The following TWF2 variants were observed in gnomAD, a reference collection of about 807,000 sequenced individuals.
TWF2 encodes the protein twinfilin-2.
In TWF2, 15 loss-of-function variants were observed where a neutral mutation model predicts 45.1. That is an observed-to-expected ratio of 0.33 (90% CI 0.22 to 0.51). TWF2 has a LOEUF of 0.51. Ranked by LOEUF, TWF2 falls within the 20% of genes least tolerant of loss-of-function variation. TWF2 has a pLI of 0.97. For missense variants in TWF2, 423 were observed against 469.1 expected (o/e 0.90, Z 0.91); for synonymous variants, 177 against 195.8 (o/e 0.90, Z 0.80).
intron 6 of TWF2, 141 bp from the exon 7 acceptor site, chr3:52,230,211 C>A (rs1470337156): frequency 1.7e-6 from 2 of 1,185,792 alleles, no homozygotes; most frequent in African/African-American, 3.1e-5. Context: ...CCTGCAATGG[C>A]CATCCCTCTA....
At chr3:52,234,955 T>G in intron 2 of TWF2, 74 bp downstream of exon 2, 2 of 1,553,276 alleles carry the variant, frequency 1.3e-6, no homozygotes, top group South Asian at 1.1e-5. Context: ...GGGGCCAACA[T>G]CCTCCTTCCC....
At chr3:52,236,289 G>A (rs552431404) in intron 1 of TWF2, among the ~76,000 whole-genome samples, 22 of 143,706 alleles carry the variant, frequency 1.5e-4, no homozygotes, top group African/African-American at 4.8e-4. Context: ...CAACAAGAGT[G>A]AAACTCCGCC....
At position 52,228,921 on chromosome 3, in the gene TWF2, G is replaced by T; in HGVS notation, c.*113C>A. On this transcript the variant is annotated 3_prime_UTR_variant, in exon 9 of 9. Coordinates refer to ENST00000305533, the MANE Select transcript of TWF2 (RefSeq NM_007284.4). ...ACGCTGCAAGTGCGTTCAGCTGCCA[G>T]CCCTCCTGACCTCCCAGAAACACTT... 6.8e-7 allele frequency: 1 copy of T among 1,474,676 alleles called. No homozygotes were observed. The allele number at this position is 1,474,676 out of a possible 1,614,324, so 91.3% of individuals were successfully genotyped here. A position where few individuals can be genotyped will look rare whatever the true frequency, so the allele number is the denominator to read the frequency against.
intron 1 of TWF2, among the ~76,000 whole-genome samples, chr3:52,235,442 C>T (rs1305943876): frequency 2.0e-5 from 3 of 152,152 alleles, no homozygotes; most frequent in Admixed American, 6.5e-5. Flanking sequence ...GCAGGATGGC[C>T]GAGCTCTGGG....
rs558075077 is a variant in TWF2, at chr3:52,233,306, C to T, written c.104-1184G>A. Reference sequence around the variant, plus strand: ...CAACAGACCAGGCCCTCTGAGGCCTCGGCCTCCTCACCTGCCCACCCAGAA... The same window carrying T: ...CAACAGACCAGGCCCTCTGAGGCCTTGGCCTCCTCACCTGCCCACCCAGAA... On this transcript the variant is annotated intron_variant, in intron 2 of 8. Transcript: ENST00000305533. 9.2e-5 allele frequency among the ~76,000 whole-genome samples: 14 copies of T among 152,392 alleles called. No homozygotes were observed. In the East Asian group the frequency reaches 2.3e-3, roughly 25 times the overall value.
At chr3:52,229,311 G>C in intron 8 of TWF2, 110 bp from the exon 9 acceptor site, 1 of 1,394,416 alleles carries the variant, frequency 7.2e-7, no homozygotes, top group Non-Finnish European at 9.5e-7. Context: ...TAGCCCTGGG[G>C]TCTCCTGAGG....
Position 52,229,096 on chromosome 3 carries a change from CT to C in TWF2, c.987del (p.Gly331AlafsTer116). On this transcript the variant is annotated frameshift_variant, in exon 9 of 9. Coordinates refer to ENST00000305533, the MANE Select transcript of TWF2 (RefSeq NM_007284.4). LOFTEE classifies it high-confidence loss of function. ...AGGCGCTTATGGCCCCGCTTGCCCC[CT>C]GGGCCCTTGGGCTTGGCGAAGGCCT... Reference protein sequence around the residue: ...FKQAFAKPKGPGGKRGHKRLI... With the variant: ...FKQAFAKPKGXGGKRGHKRLI... 1.9e-6 allele frequency: 3 copies of C among 1,613,418 alleles called. No individual in the cohort carries two copies. The highest frequency in any genetic ancestry group is 2.5e-6 in the Non-Finnish European group (3 of 1,180,048).
chr3:52,230,962 G>A lies in TWF2; in HGVS notation c.517C>T (p.Gln173Ter). The change falls in exon 6 of 9, where the codon CAG (glutamine) becomes TAG (stop). Residue 173 changes from glutamine to a stop codon, truncating the protein, a stop_gained. Transcript: ENST00000305533. LOFTEE classifies it high-confidence loss of function. ...KTEISVESKH[Q>*]TLQGLAFPLQ... is the part of the protein sequence containing the mutation. Reference sequence around the variant, plus strand: ...GGGAAGGCGAGGCCCTGCAGGGTCTGGTGCTTGCTTTCCACACTGATCTCT... The same window carrying A: ...GGGAAGGCGAGGCCCTGCAGGGTCTAGTGCTTGCTTTCCACACTGATCTCT... The A allele has an allele frequency of 1.2e-6, 2 of 1,603,886 alleles. No homozygotes were observed. The highest frequency in any genetic ancestry group is 1.7e-6 in the Non-Finnish European group (2 of 1,175,386).
At chr3:52,235,453 C>T (rs553485071) in intron 1 of TWF2, among the ~76,000 whole-genome samples, 1 of 152,206 alleles carries the variant, frequency 6.6e-6, no homozygotes, top group African/African-American at 2.4e-5. Flanking sequence ...GAGCTCTGGG[C>T]TGGCCTGGAC....
In TWF2 at chr3:52,238,962, GC is replaced by G. The variant is rs751660176; in HGVS notation, c.25+29del. 8 of 1,587,470 alleles carry G rather than the reference GC, an allele frequency of 5.0e-6. No individual in the cohort carries two copies. The Admixed American group carries it at 1.2e-4, about 23-fold the overall frequency. Reference sequence around the variant, plus strand: ...GGCGCTTCCGAGAGCCCAGACCGAGGCCCCCTGCCCGCCCGCCATCCGCCCT... The same window carrying G: ...GGCGCTTCCGAGAGCCCAGACCGAGGCCCCTGCCCGCCCGCCATCCGCCCT... On this transcript the variant is annotated intron_variant, in intron 1 of 8. Coordinates refer to ENST00000305533, the MANE Select transcript of TWF2 (RefSeq NM_007284.4).
chr3:52,235,812 A>C (rs1484679149), intron 1 of TWF2, among the ~76,000 whole-genome samples: 1 of 152,218 alleles, frequency 6.6e-6, no homozygotes, highest in African/African-American at 2.4e-5. Flanking sequence ...ACACAGAAGC[A>C]CATGGACACG....
In TWF2 at chr3:52,232,140, A is replaced by G; in HGVS notation, c.104-18T>C. ...GAGCTGCTCTGGGGGCAGAGGCCGG[A>G]TGAGCAGCCGCTCCCAGCTCCCACT... On this transcript the variant is annotated intron_variant, in intron 2 of 8. Transcript: ENST00000305533. 1.3e-6 allele frequency: 2 copies of G among 1,522,984 alleles called. No individual in the cohort carries two copies. Among genetic ancestry groups the G allele is most frequent in the Non-Finnish European group, 1.8e-6 (2 of 1,132,794 alleles). The allele number at this position is 1,522,984 out of a possible 1,614,324, so 94.3% of individuals were successfully genotyped here. A position where few individuals can be genotyped will look rare whatever the true frequency, so the allele number is the denominator to read the frequency against.
Position 52,232,094 on chromosome 3 carries a change from C to G in TWF2, c.132G>C (p.Glu44Asp), listed in dbSNP as rs1381758509. 4 of 1,608,678 alleles carry G rather than the reference C, an allele frequency of 2.5e-6. No homozygotes were observed. The highest frequency in any genetic ancestry group is 2.5e-6 in the Non-Finnish European group (3 of 1,177,632). ...AGTCCTGATCCCAGCGGCCTACTGG[C>G]TCCTGCGAGGCACCCAGCACGAGCT... ...DEQLVLGASQ[E>D]PVGRWDQDYD... Residue 44 changes from glutamate to aspartate, a missense_variant, in exon 3 of 9, where the codon GAG (glutamate) becomes GAC (aspartate). Glu to Asp is a conservative substitution (Grantham distance 45, BLOSUM62 2). Coordinates refer to ENST00000305533, the MANE Select transcript of TWF2 (RefSeq NM_007284.4).
intron 2 of TWF2, among the ~76,000 whole-genome samples, chr3:52,233,889 G>T: frequency 6.8e-6 from 1 of 148,066 alleles, no homozygotes; most frequent in East Asian, 2.0e-4. Context: ...ACTCCAGCCT[G>T]GGTGACAGAG....
intron 1 of TWF2, among the ~76,000 whole-genome samples, chr3:52,236,250 G>C (rs1338784747): frequency 6.7e-6 from 1 of 150,002 alleles, no homozygotes; most frequent in Non-Finnish European, 1.5e-5. Context: ...ACAGTGAGCT[G>C]AGATCACACC....
Position 52,231,601 on chromosome 3 carries a change from C to G in TWF2, c.283-62G>C, listed in dbSNP as rs2107302039. 2.0e-6 allele frequency: 3 copies of G among 1,536,294 alleles called. No homozygotes were observed. In the South Asian group the frequency reaches 3.6e-5, roughly 18 times the overall value. On this transcript the variant is annotated intron_variant, in intron 3 of 8. Coordinates refer to ENST00000305533, the MANE Select transcript of TWF2 (RefSeq NM_007284.4). ...GCAGGGCTGCCTCTCCCGGAACAGA[C>G]AGGTGCCTCTGGAGGAACTCGGTGG...
intron 8 of TWF2, 25 bp downstream of exon 8, chr3:52,229,636 G>T: frequency 6.2e-7 from 1 of 1,612,096 alleles, no homozygotes; most frequent in Non-Finnish European, 8.5e-7. Flanking sequence ...GCCTGGGGAG[G>T]TGAGGCCCTG....
intron 4 of TWF2, 85 bp from the exon 5 acceptor site, chr3:52,231,316 G>T (rs1699675592): frequency 1.9e-6 from 3 of 1,576,614 alleles, no homozygotes; most frequent in African/African-American, 2.7e-5. Flanking sequence ...CCAGCTTGCA[G>T]CCCTTGGACT....
Position 52,228,830 on chromosome 3 carries a change from C to T in TWF2, c.*204G>A. The T allele has an allele frequency of 1.3e-6, 1 of 782,922 alleles. No individual in the cohort carries two copies. Among genetic ancestry groups the T allele is most frequent in the African/African-American group, 1.8e-5 (1 of 56,838 alleles). 48.5% of individuals were successfully genotyped at this position (782,922 alleles called of 1,614,324 possible). A position where few individuals can be genotyped will look rare whatever the true frequency, so the allele number is the denominator to read the frequency against. Reference sequence around the variant, plus strand: ...AGGCAGGGTCCCCGGACACCCTGGGCACACAGACGAGATGCAGGGACAGCA... The same window carrying T: ...AGGCAGGGTCCCCGGACACCCTGGGTACACAGACGAGATGCAGGGACAGCA... On this transcript the variant is annotated 3_prime_UTR_variant, in exon 9 of 9. Transcript: ENST00000305533.
Sources: allele counts gnomAD v4.1 joint callset (sites outside exome capture counted in the v4.1 genomes callset), GRCh38; gene constraint gnomAD v4.1.1; transcripts MANE v1.5; gene names NCBI Gene and HGNC (gene_info 2026-07-23, HGNC 2026-07-21).